Variants in ARL15 observed in about 807,000 individuals in gnomAD.
ARL15 encodes ARF like GTPase 15, also known as ADP-ribosylation factor-like protein 15.
A neutral mutation model predicts 25.2 loss-of-function variants in ARL15; 19 were observed. The ratio of observed to expected loss-of-function variants is 0.75; its 90% confidence interval spans 0.53 to 1.10. The LOEUF is 1.10. ARL15 is among the 50% of genes least tolerant of loss of function. The pLI, the probability that ARL15 is intolerant of heterozygous loss-of-function variation, is 0.00. For synonymous variants in ARL15, 94 were observed against 86.8 expected, an observed-to-expected ratio of 1.08 and a Z score of -0.46; for missense variants, 220 against 246.0, an observed-to-expected ratio of 0.89 and a Z score of 0.71.
intron 1 of ARL15, among the ~76,000 whole-genome samples, chr5:54,299,376 G>A (rs368883990): frequency 6.6e-6 from 1 of 152,140 alleles, no homozygotes; most frequent in Non-Finnish European, 1.5e-5. Context: ...GCAAATGTGA[G>A]CTCAAACATT....
In ARL15 at chr5:54,092,073, C is replaced by CACA. The variant is rs143647206; in HGVS notation, c.462+21128_462+21129insTGT. ...ACACACACACACACACACACACACA[C>CACA]CACCACCACCACCACCATCACCAGG... On this transcript the variant is annotated intron_variant, in intron 4 of 4. Transcript: ENST00000504924. 6.4e-4 allele frequency among the ~76,000 whole-genome samples: 96 copies of CACA among 149,814 alleles called. 1 individual carries two copies. The highest frequency in any genetic ancestry group is 3.4e-3 in the Middle Eastern group (1 of 290).
chr5:54,291,414 T>A (rs1261080657), intron 1 of ARL15, among the ~76,000 whole-genome samples: 1 of 152,238 alleles, frequency 6.6e-6, no homozygotes, highest in Non-Finnish European at 1.5e-5. Flanking sequence ...AGATTACTTA[T>A]ACCTAATACA....
intron 4 of ARL15, among the ~76,000 whole-genome samples, chr5:54,071,776 C>T (rs558044102): frequency 7.9e-5 from 12 of 151,950 alleles, no homozygotes; most frequent in Admixed American, 2.0e-4. Flanking sequence ...TCGAGACCAT[C>T]CTGGCTAACA....
At chr5:53,968,969 G>A (rs1747653159) in intron 4 of ARL15, among the ~76,000 whole-genome samples, 1 of 151,450 alleles carries the variant, frequency 6.6e-6, no homozygotes, top group Admixed American at 6.6e-5. Flanking sequence ...ACAACATGGT[G>A]AAACCCCGTC....
chr5:54,036,167 A>G (rs1750160357), intron 4 of ARL15, among the ~76,000 whole-genome samples: 2 of 152,216 alleles, frequency 1.3e-5, no homozygotes, highest in Non-Finnish European at 2.9e-5. Context: ...AGAAAAAAAA[A>G]AAGGGATTTT....
intron 1 of ARL15, among the ~76,000 whole-genome samples, chr5:54,269,072 G>C (rs1211764446): frequency 6.6e-6 from 1 of 151,926 alleles, no homozygotes; most frequent in African/African-American, 2.4e-5. Context: ...GAACTGTTGT[G>C]GGGTAGGGGT....
chr5:53,993,700 C>T (rs1748578450), intron 4 of ARL15, among the ~76,000 whole-genome samples: 2 of 152,116 alleles, frequency 1.3e-5, no homozygotes, highest in Non-Finnish European at 2.9e-5. Flanking sequence ...AAAAGCCTCC[C>T]ACACAATTCT....
rs751614676 is a variant in ARL15 at position 54,215,230 on chromosome 5, T to TA, written c.49-43303dup. Reference sequence around the variant, plus strand: ...TTTCTGTCTTAAAGTTTTTTTTTTTTAAATCCAAGCAATCACAAGCTATAT... The same window carrying TA: ...TTTCTGTCTTAAAGTTTTTTTTTTTTAAAATCCAAGCAATCACAAGCTATAT... On this transcript the variant is annotated intron_variant, in intron 1 of 4. Coordinates refer to ENST00000504924, the MANE Select transcript of ARL15 (RefSeq NM_019087.3). Among the ~76,000 whole-genome samples, 601 of 151,556 alleles carry TA rather than the reference T, an allele frequency of 4.0e-3. 3 individuals are homozygous for TA. Among genetic ancestry groups the TA allele is most frequent in the African/African-American group, 0.013 (553 of 41,386 alleles).
intron 4 of ARL15, among the ~76,000 whole-genome samples, chr5:54,096,773 T>C (rs1385872347): frequency 1.3e-5 from 2 of 152,200 alleles, no homozygotes; most frequent in African/African-American, 4.8e-5. Flanking sequence ...ATTTCTCATC[T>C]TTGAAAAAGT....
At chr5:53,964,598 G>A (rs562302127) in intron 4 of ARL15, among the ~76,000 whole-genome samples, 18 of 152,236 alleles carry the variant, frequency 1.2e-4, no homozygotes, top group African/African-American at 3.9e-4. Flanking sequence ...CTGACCTCGT[G>A]ATCCGCCCAC....
intron 3 of ARL15, among the ~76,000 whole-genome samples, chr5:54,146,092 A>C (rs949354863): frequency 2.0e-5 from 3 of 152,186 alleles, no homozygotes; most frequent in Non-Finnish European, 4.4e-5. Context: ...GGAAAACATC[A>C]GAGTGATAGG....
intron 4 of ARL15, among the ~76,000 whole-genome samples, chr5:54,093,369 G>A (rs1466234846): frequency 2.6e-5 from 4 of 152,104 alleles, no homozygotes; most frequent in Admixed American, 2.6e-4. Flanking sequence ...CCCAAACCTG[G>A]CCTGACATGA....
chr5:54,277,832 A>G (rs1228204869), intron 1 of ARL15, among the ~76,000 whole-genome samples: 1 of 152,206 alleles, frequency 6.6e-6, no homozygotes, highest in East Asian at 1.9e-4. Flanking sequence ...CTTGATAACC[A>G]AAATCTGTAA....
chr5:54,154,619 G>A lies in ARL15; in HGVS notation c.214C>T (p.Pro72Ser). Reference protein sequence around the residue: ...STTGFSIKAVPFQNAILNVKE... With the variant: ...STTGFSIKAVSFQNAILNVKE... ...ACATTCAAGATGGCATTCTGGAATG[G>A]CACTGCTTTAATACTAAAACCTAAA... is the stretch of plus-strand genomic sequence containing the variant. The change falls in exon 3 of 5, where the codon CCA (proline) becomes TCA (serine). Residue 72 changes from proline to serine, a missense_variant. Pro to Ser is a moderately conservative substitution (Grantham distance 74, BLOSUM62 -1). Transcript: ENST00000504924. The A allele has an allele frequency of 3.9e-6, 6 of 1,525,506 alleles. No homozygotes were observed. Among genetic ancestry groups the A allele is most frequent in the Middle Eastern group, 1.7e-4 (1 of 5,918 alleles). The allele number at this position is 1,525,506 out of a possible 1,614,324, so 94.5% of individuals were successfully genotyped here.
At chr5:54,231,012 C>T (rs917567620) in intron 1 of ARL15, among the ~76,000 whole-genome samples, 5 of 151,804 alleles carry the variant, frequency 3.3e-5, no homozygotes, top group Admixed American at 1.3e-4. Flanking sequence ...TAGCCCATTT[C>T]TCTCTCCTGC....
Position 53,969,175 on chromosome 5 carries a change from C to G in ARL15, c.463-82462G>C, listed in dbSNP as rs371039805. ...CAAAAAACAAACAAACAAACAACAA[C>G]AAGAAGAAAAGGCACATACATGCTA... On this transcript the variant is annotated intron_variant, in intron 4 of 4. Coordinates refer to ENST00000504924, the MANE Select transcript of ARL15 (RefSeq NM_019087.3). Among the ~76,000 whole-genome samples the G allele has an allele frequency of 9.6e-4, 146 of 152,116 alleles. 2 individuals are homozygous for G. Among genetic ancestry groups the G allele is most frequent in the African/African-American group, 3.0e-3 (123 of 41,528 alleles).
In ARL15 at chr5:54,143,899, G is replaced by A. The variant is rs1753836122; in HGVS notation, c.253+10681C>T. ...TATATCATCCTATTTTTATTATCAT[G>A]TTTATTCTTAATTGCCTTTAAGACA... is the stretch of plus-strand genomic sequence containing the variant. On this transcript the variant is annotated intron_variant, in intron 3 of 4. Coordinates refer to ENST00000504924, the MANE Select transcript of ARL15 (RefSeq NM_019087.3). Among the ~76,000 whole-genome samples the A allele has an allele frequency of 3.3e-5, 5 of 151,692 alleles. No homozygotes were observed. In the South Asian group the frequency reaches 8.3e-4, roughly 25 times the overall value.
At chr5:54,264,995 A>G (rs537917979) in intron 1 of ARL15, among the ~76,000 whole-genome samples, 23 of 152,304 alleles carry the variant, frequency 1.5e-4, no homozygotes, top group Admixed American at 6.5e-4. Flanking sequence ...TTTTATGCCA[A>G]CTGCCTCAAG....
At chr5:54,031,978 T>C (rs1301897579) in intron 4 of ARL15, among the ~76,000 whole-genome samples, 1 of 152,210 alleles carries the variant, frequency 6.6e-6, no homozygotes, top group Non-Finnish European at 1.5e-5. Flanking sequence ...TGGTCAGGTA[T>C]GATTAAATAA....
Sources: gnomAD v4.1 joint callset for allele counts (sites outside exome capture counted in the v4.1 genomes callset) on GRCh38, gnomAD v4.1.1 for gene constraint, MANE v1.5 for transcripts, NCBI Gene and HGNC (gene_info 2026-07-23, HGNC 2026-07-21) for gene names.